The following CHAMP1 variants were observed in gnomAD, a reference collection of about 807,000 sequenced individuals.
The protein encoded by CHAMP1 is chromosome alignment-maintaining phosphoprotein 1.
A neutral mutation model predicts 54.5 loss-of-function variants in CHAMP1; 4 were observed. That is an observed-to-expected ratio of 0.07 (90% CI 0.04 to 0.17). CHAMP1 has a LOEUF of 0.17. Ranked by LOEUF, CHAMP1 falls within the 10% of genes least tolerant of loss-of-function variation. The probability of loss-of-function intolerance (pLI) is 1.00; values close to 1 mark genes in which losing one functional copy is unlikely to be tolerated. For missense variants in CHAMP1, 994 were observed against 968.6 expected, an observed-to-expected ratio of 1.03 and a Z score of -0.35; for synonymous variants, 368 against 342.2, an observed-to-expected ratio of 1.08 and a Z score of -0.83.
Position 114,325,528 on chromosome 13 carries a change from A to G in CHAMP1, c.1686A>G (p.Glu562=). 1 of 1,613,736 alleles carries G rather than the reference A, an allele frequency of 6.2e-7. No individual in the cohort carries two copies. The highest frequency in any genetic ancestry group is 8.5e-7 in the Non-Finnish European group (1 of 1,179,988). The change falls in exon 3 of 3, where the codon GAA becomes GAG. Residue 562 remains glutamate, a synonymous_variant. Transcript: ENST00000361283. Reference sequence around the variant, plus strand: ...CCCGGAAGCATGCCCTTTTCCCTGAACTCCCCAAATCTGCTCTATTCTCAG... The same window carrying G: ...CCCGGAAGCATGCCCTTTTCCCTGAGCTCCCCAAATCTGCTCTATTCTCAG... ...PEPRKHALFP[E]LPKSALFSES...
At chr13:114,316,406 G>A (rs956220928) in intron 1 of CHAMP1, among the ~76,000 whole-genome samples, 9 of 151,394 alleles carry the variant, frequency 5.9e-5, no homozygotes, top group Non-Finnish European at 1.3e-4. Context: ...TAGGTGATCC[G>A]CCCACCTTGG....
chr13:114,321,798 T>C (rs1180839937), intron 2 of CHAMP1, among the ~76,000 whole-genome samples: 1 of 152,200 alleles, frequency 6.6e-6, no homozygotes, highest in African/African-American at 2.4e-5. Context: ...TTTATTTTTC[T>C]TTTGTTACAG....
At chr13:114,315,107 G>T (rs546925195) in intron 1 of CHAMP1, among the ~76,000 whole-genome samples, 1 of 152,312 alleles carries the variant, frequency 6.6e-6, no homozygotes, top group South Asian at 2.1e-4. Flanking sequence ...GTTCAAGAAT[G>T]GGCAAGGAAT....
At position 114,327,103 on chromosome 13, in the gene CHAMP1, C is replaced by T. The variant is rs1220134579; in HGVS notation, c.*822C>T. 2 of 164,208 alleles carry T rather than the reference C, an allele frequency of 1.2e-5. No individual in the cohort carries two copies. The highest frequency in any genetic ancestry group is 2.5e-5 in the African/African-American group (1 of 40,434). 10.2% of individuals were successfully genotyped at this position (164,208 alleles called of 1,614,324 possible). ...TATCCTACTCCTGGGCCTTACATGT[C>T]GCCTGTTGGGGCTTAAGACCAGGTT... On this transcript the variant is annotated 3_prime_UTR_variant, in exon 3 of 3. Transcript: ENST00000361283.
rs782394246 is a variant in CHAMP1 at position 114,324,653 on chromosome 13, G to T, written c.811G>T (p.Ala271Ser). 5.6e-6 allele frequency: 9 copies of T among 1,613,944 alleles called. No individual in the cohort carries two copies. The highest frequency in any genetic ancestry group is 4.5e-5 in the East Asian group (2 of 44,884). ...PAASPESRKS[A>S]RTTSPEPRKP... Reference sequence around the variant, plus strand: ...TGCATCTCCAGAATCTCGGAAGTCAGCCCGGACTACCTCCCCTGAGCCAAG... The same window carrying T: ...TGCATCTCCAGAATCTCGGAAGTCATCCCGGACTACCTCCCCTGAGCCAAG... Residue 271 changes from alanine (A) to serine (S), a missense_variant, in exon 3 of 3, where the codon GCC (alanine) becomes TCC (serine). Physicochemically the swap from Ala to Ser is moderately conservative, Grantham distance 99. Coordinates refer to ENST00000361283, the MANE Select transcript of CHAMP1 (RefSeq NM_032436.4).
Position 114,321,243 on chromosome 13 carries a change from T to C in CHAMP1, c.-56+11T>C. 1 of 151,778 alleles carries C rather than the reference T, an allele frequency of 6.6e-6. No individual in the cohort carries two copies. Among genetic ancestry groups the C allele is most frequent in the East Asian group, 1.9e-4 (1 of 5,188 alleles). The allele number at this position is 151,778 out of a possible 1,614,324, so 9.4% of individuals were successfully genotyped here. On this transcript the variant is annotated intron_variant, in intron 2 of 2. Transcript: ENST00000361283. ...CTAGTAAGACAGCAGGTAAGTCTAG[T>C]AGGGAAAGCATGCTTAGGAGAATAT...
At chr13:114,318,538 G>T (rs1343518862) in intron 1 of CHAMP1, among the ~76,000 whole-genome samples, 2 of 151,980 alleles carry the variant, frequency 1.3e-5, no homozygotes, top group African/African-American at 4.8e-5. Flanking sequence ...TGCCCAGGGT[G>T]TTCTTGAACC....
chr13:114,318,521 G>C (rs1016053158), intron 1 of CHAMP1, among the ~76,000 whole-genome samples: 5 of 151,798 alleles, frequency 3.3e-5, no homozygotes, highest in Admixed American at 6.6e-5. Flanking sequence ...ACGGGGTTTC[G>C]CCGTGTTGCC....
intron 1 of CHAMP1, among the ~76,000 whole-genome samples, chr13:114,315,834 T>TG: frequency 6.6e-6 from 1 of 150,556 alleles, no homozygotes; most frequent in South Asian, 2.1e-4. Context: ...TGGCAAGTTT[T>TG]GTTTTTTTTT....
At chr13:114,319,821 A>G (rs1287592522) in intron 1 of CHAMP1, among the ~76,000 whole-genome samples, 1 of 152,230 alleles carries the variant, frequency 6.6e-6, no homozygotes, top group Admixed American at 6.5e-5. Flanking sequence ...GTGGCAAGAC[A>G]GGGAGTGTAA....
rs782327390 is a variant in CHAMP1, at chr13:114,324,975, GCTC to G, written c.1136_1138del (p.Ser379del). The G allele has an allele frequency of 1.2e-5, 19 of 1,613,722 alleles. No homozygotes were observed. The highest frequency in any genetic ancestry group is 1.5e-5 in the Non-Finnish European group (18 of 1,179,990). ...TGGAAATCTTCATCAGTCTCACCCA[GCTC>G]CTGGAAGTCTCCCCCTGCATCTCCT... On this transcript the variant is annotated inframe_deletion, in exon 3 of 3. Coordinates refer to ENST00000361283, the MANE Select transcript of CHAMP1 (RefSeq NM_032436.4).
chr13:114,323,255 TTGACA>T (rs1252603990), intron 2 of CHAMP1: 4 of 152,372 alleles, frequency 2.6e-5, no homozygotes, highest in Non-Finnish European at 1.5e-5. Flanking sequence ...ACAAAATATG[TTGACA>T]TGAAATCAAG....
chr13:114,320,807 C>T (rs1040067548), intron 1 of CHAMP1, among the ~76,000 whole-genome samples: 1 of 151,832 alleles, frequency 6.6e-6, no homozygotes, highest in East Asian at 1.9e-4. Context: ...ATACAAAAAA[C>T]TAGCCGGGCG....
In CHAMP1 at chr13:114,325,808, G is replaced by A; in HGVS notation, c.1966G>A (p.Glu656Lys). 6.2e-7 allele frequency: 1 copy of A among 1,614,156 alleles called. No individual in the cohort carries two copies. The highest frequency in any genetic ancestry group is 8.5e-7 in the Non-Finnish European group (1 of 1,180,040). ...IKGQESSSDQ[E>K]QVDVESIDFS... ...GGGCCAGGAATCAAGCAGTGATCAA[G>A]AGCAGGTTGATGTGGAATCCATTGA... Residue 656 changes from glutamate (E) to lysine (K), a missense_variant, in exon 3 of 3, where the codon GAG (glutamate) becomes AAG (lysine). By Grantham distance (56) the Glu-to-Lys change is moderately conservative (BLOSUM62 1). This residue lies in a region of CHAMP1 where 851 missense variants were observed against 701.3 expected (regional missense o/e 1.21). Coordinates refer to ENST00000361283, the MANE Select transcript of CHAMP1 (RefSeq NM_032436.4).
chr13:114,321,254 T>C (rs1305724601), intron 2 of CHAMP1, 22 bp downstream of exon 2: 1 of 151,892 alleles, frequency 6.6e-6, no homozygotes, highest in Non-Finnish European at 1.5e-5. Context: ...AGGGAAAGCA[T>C]GCTTAGGAGA....
intron 1 of CHAMP1, among the ~76,000 whole-genome samples, chr13:114,319,910 G>A (rs2087146942): frequency 6.6e-6 from 1 of 152,190 alleles, no homozygotes; most frequent in African/African-American, 2.4e-5. Flanking sequence ...TTTTGAGAAT[G>A]CAGTCTGGTC....
At position 114,315,365 on chromosome 13, in the gene CHAMP1, C is replaced by T. The variant is rs556043812; in HGVS notation, c.-179+722C>T. Among the ~76,000 whole-genome samples, 3 of 152,244 alleles carry T rather than the reference C, an allele frequency of 2.0e-5. No individual in the cohort carries two copies. In the South Asian group the frequency reaches 6.2e-4, roughly 32 times the overall value. ...CAGCTATGGAAATTGGTAGTCGTTC[C>T]TCAGTTCTAGGTTTATACCCCCAAA... On this transcript the variant is annotated intron_variant, in intron 1 of 2. Coordinates refer to ENST00000361283, the MANE Select transcript of CHAMP1 (RefSeq NM_032436.4).
rs782747799 is a variant in CHAMP1, at chr13:114,325,972, T to C, written c.2130T>C (p.Tyr710=). The part of the protein sequence containing the change: ...KYMKRGKGKY[Y]CKICCCRAMK... ...TGAAGCGTGGAAAAGGAAAGTATTA[T>C]TGCAAAATTTGTTGCTGTCGTGCTA... Residue 710 remains tyrosine, a synonymous_variant, in exon 3 of 3, where the codon TAT becomes TAC. Coordinates refer to ENST00000361283, the MANE Select transcript of CHAMP1 (RefSeq NM_032436.4). The C allele has an allele frequency of 1.2e-6, 2 of 1,614,206 alleles. No individual in the cohort carries two copies. The highest frequency in any genetic ancestry group is 8.5e-7 in the Non-Finnish European group (1 of 1,180,040).
chr13:114,320,121 TA>T (rs781875368), intron 1 of CHAMP1, among the ~76,000 whole-genome samples: 29 of 152,110 alleles, frequency 1.9e-4, no homozygotes, highest in Non-Finnish European at 3.1e-4. Context: ...AAAGCAGTGA[TA>T]GGGGTAGGGG....
Sources: allele counts gnomAD v4.1 joint callset (sites outside exome capture counted in the v4.1 genomes callset), GRCh38; gene constraint gnomAD v4.1.1; regional missense constraint gnomAD v4.1.1; transcripts MANE v1.5; gene names NCBI Gene and HGNC (gene_info 2026-07-23, HGNC 2026-07-21).